Variants in KIF1A observed in about 807,000 individuals in gnomAD.
KIF1A encodes the protein kinesin family member 1A, also known as kinesin-like protein KIF1A.
KIF1A carries 46 observed loss-of-function variants against 227.3 expected under a neutral mutation model. The observed-to-expected ratio is 0.20, with a 90% CI of 0.16 to 0.26. The LOEUF is 0.26. Among genes scored for constraint, KIF1A ranks in the 10% least tolerant of loss-of-function variants. The pLI, the probability that KIF1A is intolerant of heterozygous loss-of-function variation, is 1.00. For missense variants in KIF1A, 1,683 were observed against 2,485.9 expected, an observed-to-expected ratio of 0.68 and a Z score of 6.87; for synonymous variants, 1,022 against 1,012.8, an observed-to-expected ratio of 1.01 and a Z score of -0.17.
rs2055536651 is a variant in KIF1A at position 240,790,539 on chromosome 2, G to A, written c.107-1227C>T. Among the ~76,000 whole-genome samples the A allele has an allele frequency of 2.6e-5, 4 of 151,954 alleles. No homozygotes were observed. The highest frequency in any genetic ancestry group is 2.1e-4 in the South Asian group (1 of 4,800). On this transcript the variant is annotated intron_variant, in intron 2 of 48. Transcript: ENST00000498729. This position sits in a 1 kb window ranked among gnomAD's most constrained non-coding sequence, Gnocchi z 5.0. ...ACGGAGAACAAAATGCCCCAGTTACGAGTTAAACTGTGTCCCCCTAATTTC... is the reference window on the plus strand; with the variant it reads ...ACGGAGAACAAAATGCCCCAGTTACAAGTTAAACTGTGTCCCCCTAATTTC...
intron 7 of KIF1A, among the ~76,000 whole-genome samples, chr2:240,784,319 G>A (rs1291185040): frequency 6.6e-6 from 1 of 152,130 alleles, no homozygotes; most frequent in East Asian, 1.9e-4. Context: ...GGGAGGCCTG[G>A]CCCCTCCTGA....
At chr2:240,817,509 C>CTA (rs1362244200) in intron 1 of KIF1A, among the ~76,000 whole-genome samples, 1 of 152,206 alleles carries the variant, frequency 6.6e-6, no homozygotes, top group African/African-American at 2.4e-5. Context: ...CCCGTGGTAG[C>CTA]GGCTCAGGCC....
chr2:240,786,161 C>T (rs181616046), intron 6 of KIF1A, among the ~76,000 whole-genome samples, 174 bp downstream of exon 6: 14 of 152,312 alleles, frequency 9.2e-5, no homozygotes, highest in East Asian at 5.8e-4. Flanking sequence ...GGGGAGCCCT[C>T]GGCCTCTCTC....
At chr2:240,769,355 G>A in intron 16 of KIF1A, 147 bp from the exon 17 acceptor site, 1 of 702,540 alleles carries the variant, frequency 1.4e-6, no homozygotes. Context: ...CTGGGTTAGG[G>A]CATCTGCTGA....
At chr2:240,737,535 A>G (rs529699348) in intron 37 of KIF1A, 1 of 139,494 alleles carries the variant, frequency 7.2e-6, no homozygotes, top group East Asian at 2.5e-4. Flanking sequence ...CCAAAAAGTC[A>G]TGATAATAAC....
At chr2:240,797,950 C>T in intron 1 of KIF1A, 138 bp from the exon 2 acceptor site, 1 of 539,528 alleles carries the variant, frequency 1.9e-6, no homozygotes, top group Non-Finnish European at 3.3e-6. Flanking sequence ...GTGGAATCCA[C>T]AAGGAGAGGA....
At chr2:240,809,861 A>G (rs1361511018) in intron 1 of KIF1A, among the ~76,000 whole-genome samples, 1 of 148,452 alleles carries the variant, frequency 6.7e-6, no homozygotes, top group Non-Finnish European at 1.5e-5. Flanking sequence ...CGTTGTGCAC[A>G]TGTACCCTAG....
At position 240,775,745 on chromosome 2, in the gene KIF1A, A is replaced by G; in HGVS notation, c.958+106T>C. 1 of 767,212 alleles carries G rather than the reference A, an allele frequency of 1.3e-6. No individual in the cohort carries two copies. The highest frequency in any genetic ancestry group is 2.3e-6 in the Non-Finnish European group (1 of 432,198). The allele number at this position is 767,212 out of a possible 1,614,324, so 47.5% of individuals were successfully genotyped here. On this transcript the variant is annotated intron_variant, in intron 11 of 48. Coordinates refer to ENST00000498729, the MANE Select transcript of KIF1A (RefSeq NM_001244008.2). This position sits in a 1 kb window ranked among gnomAD's most constrained non-coding sequence, Gnocchi z 5.5. The stretch of plus-strand genomic sequence containing the variant: ...TTCACCTCCCAGCCTCAGCCCAGAA[A>G]GGGTGAGAGGCCTGCTGGCGACTGG...
chr2:240,718,353 C>T (rs1425034058), intron 47 of KIF1A, among the ~76,000 whole-genome samples, 185 bp from the exon 48 acceptor site: 2 of 152,230 alleles, frequency 1.3e-5, no homozygotes, highest in Non-Finnish European at 2.9e-5. Flanking sequence ...CTGGACGCAT[C>T]TGCGGCCGGT....
At position 240,792,327 on chromosome 2, in the gene KIF1A, G is replaced by A. The variant is rs1185017217; in HGVS notation, c.107-3015C>T. Among the ~76,000 whole-genome samples, 8 of 151,720 alleles carry A rather than the reference G, an allele frequency of 5.3e-5. No individual in the cohort carries two copies. The highest frequency in any genetic ancestry group is 1.7e-4 in the African/African-American group (7 of 41,302). On this transcript the variant is annotated intron_variant, in intron 2 of 48. Coordinates refer to ENST00000498729, the MANE Select transcript of KIF1A (RefSeq NM_001244008.2). This position sits in a 1 kb window ranked among gnomAD's most constrained non-coding sequence, Gnocchi z 4.5. ...TTGAGGAGGGAGGAGGGAGAAACAG[G>A]TCCTCCCAGGGCCTGCTGGGCTGGG...
intron 38 of KIF1A, among the ~76,000 whole-genome samples, chr2:240,735,674 T>G (rs1397365901): frequency 6.6e-6 from 1 of 150,670 alleles, no homozygotes; most frequent in Non-Finnish European, 1.5e-5. Flanking sequence ...CAGCCCACAC[T>G]CTGCAGGCAG....
At chr2:240,718,897 G>A in intron 47 of KIF1A, 109 bp downstream of exon 47, 1 of 864,102 alleles carries the variant, frequency 1.2e-6, no homozygotes, top group Non-Finnish European at 1.8e-6. Context: ...CGGAGTCTGG[G>A]GTGAGCAGAT....
chr2:240,714,882 G>GAC lies in KIF1A; in HGVS notation c.*2480_*2481dup, dbSNP rs1370235481. ...GGCCAACACGGCACCTGGCTGAGAGGACACAGCCAGGCAGTCTCCATGGCA... is the reference window on the plus strand; with the variant it reads ...GGCCAACACGGCACCTGGCTGAGAGGACACACAGCCAGGCAGTCTCCATGGCA... On this transcript the variant is annotated 3_prime_UTR_variant, in exon 49 of 49. Transcript: ENST00000498729. 1 of 152,218 alleles carries GAC rather than the reference G, an allele frequency of 6.6e-6. No homozygotes were observed. The highest frequency in any genetic ancestry group is 2.4e-5 in the African/African-American group (1 of 41,428). 9.4% of individuals were successfully genotyped at this position (152,218 alleles called of 1,614,324 possible). A position where few individuals can be genotyped will look rare whatever the true frequency, so the allele number is the denominator to read the frequency against.
At chr2:240,744,421 ACCATGT>A (rs2048354052) in intron 32 of KIF1A, among the ~76,000 whole-genome samples, 1 of 152,166 alleles carries the variant, frequency 6.6e-6, no homozygotes. Flanking sequence ...TATGGGTTGG[ACCATGT>A]CCCCTCACCA....
Position 240,783,083 on chromosome 2 carries a change from C to G in KIF1A, c.825G>C (p.Leu275=). ...CGGAGATGACCTTGCCCAGGGTGGTCAGCGACTTGTTGATGTTGGCCCCCT... is the reference window on the plus strand; with the variant it reads ...CGGAGATGACCTTGCCCAGGGTGGTGAGCGACTTGTTGATGTTGGCCCCCT... The part of the protein sequence containing the change: ...LKEGANINKS[L]TTLGKVISAL... The change falls in exon 9 of 49, where the codon CTG becomes CTC. Residue 275 remains leucine, a synonymous_variant. Coordinates refer to ENST00000498729, the MANE Select transcript of KIF1A (RefSeq NM_001244008.2). 3 of 1,613,778 alleles carry G rather than the reference C, an allele frequency of 1.9e-6. No homozygotes were observed. Among genetic ancestry groups the G allele is most frequent in the Non-Finnish European group, 1.7e-6 (2 of 1,179,840 alleles).
At chr2:240,743,678 G>A (rs1479466942) in intron 33 of KIF1A, among the ~76,000 whole-genome samples, 1 of 152,186 alleles carries the variant, frequency 6.6e-6, no homozygotes, top group Non-Finnish European at 1.5e-5. Context: ...GGCAGCCCCT[G>A]CACACTGCCC....
In KIF1A at chr2:240,746,192, A is replaced by T; in HGVS notation, c.3064-15T>A. 6.4e-7 allele frequency: 1 copy of T among 1,555,620 alleles called. No homozygotes were observed. Among genetic ancestry groups the T allele is most frequent in the South Asian group, 1.2e-5 (1 of 84,268 alleles). ...TCGGACTGGAACTGATCAGAGGGGG[A>T]CCAGAGTCAGAGAGAGCCAGGAGCC... On this transcript the variant is annotated splice_polypyrimidine_tract_variant and intron_variant, in intron 29 of 48. Coordinates refer to ENST00000498729, the MANE Select transcript of KIF1A (RefSeq NM_001244008.2).
At chr2:240,782,226 G>C (rs1443849727) in intron 10 of KIF1A, 1 of 982,772 alleles carries the variant, frequency 1.0e-6, no homozygotes, top group African/African-American at 1.8e-5. Flanking sequence ...CAGCACGCCT[G>C]TCACCCGCTT....
chr2:240,740,317 C>G lies in KIF1A; in HGVS notation c.3797G>C (p.Gly1266Ala), dbSNP rs1575553025. 1 of 1,613,574 alleles carries G rather than the reference C, an allele frequency of 6.2e-7. No homozygotes were observed. Residue 1266 changes from glycine to alanine, a missense_variant, in exon 36 of 49, where the codon GGG (glycine) becomes GCG (alanine). Coordinates refer to ENST00000498729, the MANE Select transcript of KIF1A (RefSeq NM_001244008.2). The surrounding 1 kb of genome is among the most constrained non-coding windows in gnomAD (Gnocchi z 6.1). ...TCACACCTGGTGGAGGAGGAAGGTC[C>G]CCATGCATGGCATGCCCCCACGGTG... ...VDHRGGMPCMGTFLLHQGIQR... is the reference protein window; with the variant it reads ...VDHRGGMPCMATFLLHQGIQR...
Sources: allele counts gnomAD v4.1 joint callset (sites outside exome capture counted in the v4.1 genomes callset), GRCh38; gene constraint gnomAD v4.1.1; non-coding constraint Gnocchi (gnomAD v3.1); transcripts MANE v1.5; gene names NCBI Gene and HGNC (gene_info 2026-07-23, HGNC 2026-07-21).